Variants in EPS15L1 observed in about 807,000 individuals in gnomAD.
EPS15L1 encodes the protein epidermal growth factor receptor substrate 15-like 1.
EPS15L1 carries 43 observed loss-of-function variants against 117.1 expected under a neutral mutation model. The ratio of observed to expected loss-of-function variants is 0.37; its 90% CI spans 0.29 to 0.47. EPS15L1 has a LOEUF of 0.47. EPS15L1 is among the 20% of genes least tolerant of loss of function. The pLI, the probability that EPS15L1 is intolerant of heterozygous loss-of-function variation, is 0.99. For synonymous variants in EPS15L1, 459 were observed against 470.5 expected, an observed-to-expected ratio of 0.98 and a Z score of 0.32; for missense variants, 981 against 1,164.0, an observed-to-expected ratio of 0.84 and a Z score of 2.29.
At chr19:16,369,700 TG>T in intron 22 of EPS15L1, among the ~76,000 whole-genome samples, 1 of 151,728 alleles carries the variant, frequency 6.6e-6, no homozygotes, top group Non-Finnish European at 1.5e-5. Context: ...TGTGTGTGTG[TG>T]TGTGTGTAGG....
At chr19:16,409,308 T>C (rs1413876840) in intron 13 of EPS15L1, among the ~76,000 whole-genome samples, 1 of 152,144 alleles carries the variant, frequency 6.6e-6, no homozygotes, top group Non-Finnish European at 1.5e-5. Flanking sequence ...AACAATGACA[T>C]TGCATCCCTG....
intron 4 of EPS15L1, among the ~76,000 whole-genome samples, chr19:16,440,466 T>C (rs1461983330): frequency 6.6e-6 from 1 of 152,086 alleles, no homozygotes; most frequent in Non-Finnish European, 1.5e-5. Flanking sequence ...TGTTATTTTC[T>C]GGCTCTGATC....
chr19:16,366,755 G>A (rs2092138772), intron 22 of EPS15L1, among the ~76,000 whole-genome samples: 1 of 152,156 alleles, frequency 6.6e-6, no homozygotes, highest in Admixed American at 6.5e-5. Context: ...TCTCGACCTT[G>A]CTAATGACCA....
chr19:16,460,656 T>TC (rs1312369335), intron 1 of EPS15L1, among the ~76,000 whole-genome samples: 6 of 152,134 alleles, frequency 3.9e-5, no homozygotes, highest in African/African-American at 1.4e-4. Context: ...TCCAGAAGCC[T>TC]CGACCCACAG....
Position 16,378,662 on chromosome 19 carries a change from G to A in EPS15L1, c.2248-1408C>T, listed in dbSNP as rs560637971. On this transcript the variant is annotated intron_variant, in intron 21 of 23. Coordinates refer to ENST00000455140, the MANE Select transcript of EPS15L1 (RefSeq NM_001258374.3). ...CTGTGATGAGCAGATACTAAGCGCC[G>A]CCACCTGGGGGGATGCTTGTCCCTC... Among the ~76,000 whole-genome samples, 476 of 152,254 alleles carry A rather than the reference G, an allele frequency of 3.1e-3. 1 individual carries two copies. The highest frequency in any genetic ancestry group is 0.011 in the African/African-American group (451 of 41,542).
chr19:16,430,915 A>G (rs1238572957), intron 7 of EPS15L1, among the ~76,000 whole-genome samples: 1 of 152,216 alleles, frequency 6.6e-6, no homozygotes, highest in Non-Finnish European at 1.5e-5. Context: ...GCGGAGGGAC[A>G]TGGGTGCATA....
chr19:16,464,072 G>A (rs2093277959), intron 1 of EPS15L1, among the ~76,000 whole-genome samples: 1 of 152,232 alleles, frequency 6.6e-6, no homozygotes, highest in African/African-American at 2.4e-5. Flanking sequence ...GATCCAGCCT[G>A]GCTGGTGTGC....
chr19:16,408,346 A>C (rs1365295190), intron 13 of EPS15L1, among the ~76,000 whole-genome samples: 1 of 152,182 alleles, frequency 6.6e-6, no homozygotes. Flanking sequence ...ATATGGGGCC[A>C]GGCACGGTAG....
chr19:16,438,994 G>C (rs1420512415), intron 4 of EPS15L1, among the ~76,000 whole-genome samples: 1 of 151,898 alleles, frequency 6.6e-6, no homozygotes, highest in African/African-American at 2.4e-5. Context: ...TAGGCTGTCA[G>C]GTGCCTCCCT....
intron 6 of EPS15L1, among the ~76,000 whole-genome samples, chr19:16,435,959 C>T (rs768554990): frequency 1.3e-5 from 2 of 152,174 alleles, no homozygotes; most frequent in African/African-American, 2.4e-5. Context: ...GATCTCTTGG[C>T]ACTGTTTCCC....
At chr19:16,400,010 C>G (rs982576096) in intron 16 of EPS15L1, among the ~76,000 whole-genome samples, 5 of 152,102 alleles carry the variant, frequency 3.3e-5, no homozygotes, top group African/African-American at 9.7e-5. Context: ...TTCTCATAAT[C>G]AGATGATAGA....
chr19:16,468,089 G>A (rs182087077), intron 1 of EPS15L1, among the ~76,000 whole-genome samples: 11 of 152,164 alleles, frequency 7.2e-5, no homozygotes, highest in Non-Finnish European at 8.8e-5. Context: ...TAGGTACAGC[G>A]GTCACAAAAG....
chr19:16,422,660 T>G (rs188752259), intron 9 of EPS15L1, among the ~76,000 whole-genome samples: 1 of 152,166 alleles, frequency 6.6e-6, no homozygotes, highest in African/African-American at 2.4e-5. Flanking sequence ...CTCTCAGTTA[T>G]GAAAGGATTT....
At chr19:16,402,054 C>T (rs925130258) in intron 16 of EPS15L1, 26 of 1,209,232 alleles carry the variant, frequency 2.2e-5, no homozygotes, top group African/African-American at 1.6e-4. Context: ...TAAATACTTC[C>T]GCAGAGATGG....
chr19:16,388,334 C>T (rs573631903), intron 19 of EPS15L1, among the ~76,000 whole-genome samples: 5 of 152,212 alleles, frequency 3.3e-5, no homozygotes, highest in African/African-American at 9.6e-5. Flanking sequence ...GCCACTGAAC[C>T]GGCAATGAAA....
intron 8 of EPS15L1, among the ~76,000 whole-genome samples, chr19:16,427,195 G>A (rs569562614): frequency 7.9e-5 from 12 of 152,130 alleles, no homozygotes; most frequent in Admixed American, 5.2e-4. Flanking sequence ...GAGGCCAAGG[G>A]GGGAGGTCGC....
At chr19:16,382,394 T>C (rs2092373120) in intron 21 of EPS15L1, among the ~76,000 whole-genome samples, 2 of 152,096 alleles carry the variant, frequency 1.3e-5, no homozygotes, top group Admixed American at 1.3e-4. Context: ...TGTCAGGGGC[T>C]CTCTGGGCTC....
At chr19:16,400,043 G>A (rs1404144523) in intron 16 of EPS15L1, among the ~76,000 whole-genome samples, 1 of 152,092 alleles carries the variant, frequency 6.6e-6, no homozygotes, top group Non-Finnish European at 1.5e-5. Flanking sequence ...ATGGCTTTAA[G>A]AACCCTGACT....
chr19:16,363,264 C>T (rs980874275), intron 22 of EPS15L1, among the ~76,000 whole-genome samples: 7 of 152,158 alleles, frequency 4.6e-5, no homozygotes, highest in Admixed American at 2.0e-4. Context: ...ACGATTCCGG[C>T]GTGTTAACTC....
Sources: allele counts gnomAD v4.1 joint callset (sites outside exome capture counted in the v4.1 genomes callset), GRCh38; gene constraint gnomAD v4.1.1; transcripts MANE v1.5; gene names NCBI Gene and HGNC (gene_info 2026-07-23, HGNC 2026-07-21).